The following COBL variants were observed in gnomAD, a reference collection of about 807,000 sequenced individuals.
COBL encodes cordon-bleu WH2 repeat protein.
A neutral mutation model predicts 98.8 loss-of-function variants in COBL; 51 were observed. That is an observed-to-expected ratio of 0.52 (90% CI 0.41 to 0.65). The LOEUF (loss-of-function observed/expected upper bound fraction) is 0.65. Among genes scored for constraint, COBL ranks in the 30% least tolerant of loss-of-function variants. The pLI is 0.00. For missense variants in COBL, 1,617 were observed against 1,617.5 expected, an observed-to-expected ratio of 1.00 and a Z score of 0.01; for synonymous variants, 634 against 651.7, an observed-to-expected ratio of 0.97 and a Z score of 0.41.
At chr7:51,206,452 A>G (rs1791719534) in intron 2 of COBL, among the ~76,000 whole-genome samples, 2 of 149,332 alleles carry the variant, frequency 1.3e-5, no homozygotes, top group South Asian at 2.2e-4. Flanking sequence ...AGATCGCGCC[A>G]CTATATTCCA....
chr7:51,097,116 A>AT (rs1422222459), intron 6 of COBL, among the ~76,000 whole-genome samples: 2 of 152,202 alleles, frequency 1.3e-5, no homozygotes, highest in Non-Finnish European at 2.9e-5. Context: ...AGAATTCAAC[A>AT]TCACAATAAA....
chr7:51,255,476 T>C (rs1797117842), intron 1 of COBL, among the ~76,000 whole-genome samples: 1 of 152,192 alleles, frequency 6.6e-6, no homozygotes, highest in African/African-American at 2.4e-5. Flanking sequence ...AGACCAGTTG[T>C]CTTTCATTCC....
intron 7 of COBL, among the ~76,000 whole-genome samples, chr7:51,075,099 A>G (rs73695273): frequency 0.049 from 7,395 of 152,298 alleles, 593 homozygotes; most frequent in African/African-American, 0.17. Flanking sequence ...TCATTTGTCA[A>G]TCCCATGAAT....
chr7:51,166,891 T>A (rs1326228492), intron 5 of COBL, among the ~76,000 whole-genome samples: 1 of 152,130 alleles, frequency 6.6e-6, no homozygotes, highest in Non-Finnish European at 1.5e-5. Context: ...AAGCATTTGA[T>A]AACATTCAAC....
chr7:51,188,376 G>C (rs891523192), intron 4 of COBL, among the ~76,000 whole-genome samples: 1 of 152,272 alleles, frequency 6.6e-6, no homozygotes, highest in Non-Finnish European at 1.5e-5. Context: ...GGCCTGCCCA[G>C]GGCGGTTGTA....
At chr7:51,136,110 G>C (rs187220419) in intron 6 of COBL, 48 bp downstream of exon 6, 1 of 1,575,088 alleles carries the variant, frequency 6.3e-7, no homozygotes, top group Admixed American at 1.8e-5. Context: ...ACAATCAACT[G>C]TGTCACTGAA....
At chr7:51,256,932 T>C (rs904025611) in intron 1 of COBL, among the ~76,000 whole-genome samples, 2 of 152,208 alleles carry the variant, frequency 1.3e-5, no homozygotes, top group East Asian at 3.8e-4. Flanking sequence ...CTTTACTAAT[T>C]TTCCTTACTC....
intron 4 of COBL, among the ~76,000 whole-genome samples, chr7:51,186,070 G>A (rs56263655): frequency 0.068 from 10,386 of 152,316 alleles, 394 homozygotes; most frequent in Middle Eastern, 0.14. Flanking sequence ...GTGTGCAAAC[G>A]CGCTGTAAAG....
intron 11 of COBL, 36 bp downstream of exon 11, chr7:51,026,510 A>G: frequency 6.2e-7 from 1 of 1,607,094 alleles, no homozygotes; most frequent in South Asian, 1.1e-5. Flanking sequence ...GGTGGGTTTG[A>G]GCTCCTGGCG....
intron 7 of COBL, among the ~76,000 whole-genome samples, chr7:51,062,139 G>T (rs1277844781): frequency 6.6e-6 from 1 of 152,086 alleles, no homozygotes; most frequent in African/African-American, 2.4e-5. Flanking sequence ...AATTTGTTCA[G>T]AAAATAAAAC....
chr7:51,075,906 C>T (rs1334517946), intron 7 of COBL, among the ~76,000 whole-genome samples: 5 of 152,176 alleles, frequency 3.3e-5, no homozygotes, highest in African/African-American at 4.8e-5. Context: ...AGTTCAGTTC[C>T]GTTTTTTTCT....
chr7:51,069,209 GC>G (rs1314353586), intron 7 of COBL, among the ~76,000 whole-genome samples: 1 of 152,178 alleles, frequency 6.6e-6, no homozygotes, highest in African/African-American at 2.4e-5. Context: ...AGAGAGAAGG[GC>G]CAAGCGAAGG....
At chr7:51,222,979 T>C (rs1793798586) in intron 1 of COBL, among the ~76,000 whole-genome samples, 1 of 152,192 alleles carries the variant, frequency 6.6e-6, no homozygotes, top group Non-Finnish European at 1.5e-5. Context: ...CCACGTCCAG[T>C]GTCAACACCC....
At chr7:51,073,303 A>G in intron 7 of COBL, 1 of 679,250 alleles carries the variant, frequency 1.5e-6, no homozygotes, top group Non-Finnish European at 2.7e-6. Flanking sequence ...GGCAGAAGAG[A>G]CACTGGGAAA....
intron 6 of COBL, among the ~76,000 whole-genome samples, chr7:51,135,496 G>T (rs1799147368): frequency 6.6e-6 from 1 of 152,084 alleles, no homozygotes; most frequent in South Asian, 2.1e-4. Flanking sequence ...CAAGCAGGCT[G>T]ATAAGGAAAT....
chr7:51,065,547 C>T, intron 7 of COBL: 1 of 611,344 alleles, frequency 1.6e-6, no homozygotes, highest in Non-Finnish European at 2.9e-6. Flanking sequence ...GGGCTACAGC[C>T]AGCTTTGGGC....
intron 5 of COBL, among the ~76,000 whole-genome samples, chr7:51,144,251 C>A (rs927685154): frequency 6.6e-6 from 1 of 152,190 alleles, no homozygotes; most frequent in South Asian, 2.1e-4. Flanking sequence ...TATGAACCCA[C>A]TTGACCCTCA....
At chr7:51,227,843 C>G (rs1295690230) in intron 1 of COBL, among the ~76,000 whole-genome samples, 3 of 152,138 alleles carry the variant, frequency 2.0e-5, no homozygotes, top group Non-Finnish European at 4.4e-5. Context: ...TCAAAGCTTT[C>G]CCCACTGTCT....
At chr7:51,019,000 T>A (rs1786650513) in intron 12 of COBL, among the ~76,000 whole-genome samples, 1 of 146,444 alleles carries the variant, frequency 6.8e-6, no homozygotes, top group Non-Finnish European at 1.5e-5. Context: ...TCGTTAGTGT[T>A]TTTTATATGT....
Sources: gnomAD v4.1 joint callset for allele counts (sites outside exome capture counted in the v4.1 genomes callset) on GRCh38, gnomAD v4.1.1 for gene constraint, MANE v1.5 for transcripts, NCBI Gene and HGNC (gene_info 2026-07-23, HGNC 2026-07-21) for gene names.